PTPRD: variants seen among roughly 807,000 people sequenced by gnomAD.
PTPRD encodes protein tyrosine phosphatase receptor type D, also known as receptor-type tyrosine-protein phosphatase delta.
PTPRD carries 34 observed loss-of-function variants against 214.5 expected under a neutral mutation model. That is an observed-to-expected ratio of 0.16 (90% CI 0.12 to 0.21). The LOEUF is 0.21. Ranked by LOEUF, PTPRD falls within the 10% of genes least tolerant of loss-of-function variation. The pLI, the probability that PTPRD is intolerant of heterozygous loss-of-function variation, is 1.00. For synonymous variants in PTPRD, 1,128 were observed against 845.7 expected, an observed-to-expected ratio of 1.33 and a Z score of -5.79; for missense variants, 2,545 against 2,398.7, an observed-to-expected ratio of 1.06 and a Z score of -1.27.
intron 10 of PTPRD, among the ~76,000 whole-genome samples, chr9:9,063,902 CAA>C (rs1348742966): frequency 6.6e-6 from 1 of 152,048 alleles, no homozygotes; most frequent in East Asian, 1.9e-4. Flanking sequence ...TGCAATAATT[CAA>C]AGAGAGTAGT....
At chr9:8,508,885 G>A (rs922217189) in intron 21 of PTPRD, among the ~76,000 whole-genome samples, 1 of 147,526 alleles carries the variant, frequency 6.8e-6, no homozygotes, top group Non-Finnish European at 1.5e-5. Flanking sequence ...ATGTGTGTGT[G>A]TGTGTCTGTG....
chr9:10,162,685 ATG>A (rs1021460288), intron 3 of PTPRD, among the ~76,000 whole-genome samples: 1 of 147,252 alleles, frequency 6.8e-6, no homozygotes, highest in South Asian at 2.1e-4. Flanking sequence ...ACATGTATAT[ATG>A]TGTATATATA....
chr9:8,791,137 T>A (rs750318162), intron 11 of PTPRD, among the ~76,000 whole-genome samples: 1 of 152,180 alleles, frequency 6.6e-6, no homozygotes, highest in African/African-American at 2.4e-5. Flanking sequence ...AGAGGCCAAT[T>A]ACATGGAAAT....
chr9:9,201,545 A>G (rs928961175), intron 9 of PTPRD, among the ~76,000 whole-genome samples: 1 of 152,164 alleles, frequency 6.6e-6, no homozygotes, highest in Non-Finnish European at 1.5e-5. Flanking sequence ...GTACTATATT[A>G]TAGACTTGGT....
Position 9,981,354 on chromosome 9 carries a change from A to ATTCTTT in PTPRD, c.-471-42745_-471-42744insAAAGAA, listed in dbSNP as rs36081416. 3.6e-3 allele frequency among the ~76,000 whole-genome samples: 496 copies of ATTCTTT among 138,158 alleles called. 25 individuals carry two copies. The highest frequency in any genetic ancestry group is 8.1e-3 in the Middle Eastern group (2 of 246). The allele number at this position is 138,158 out of a possible 152,430, so 90.6% of individuals were successfully genotyped here. ...TTAAAACATATACTCACATTAAACA[A>ATTCTTT]TTTTTTTTTTTTTTTTTTAAGACAG... On this transcript the variant is annotated intron_variant, in intron 4 of 45. Coordinates refer to ENST00000381196, the MANE Select transcript of PTPRD (RefSeq NM_002839.4).
At chr9:9,926,204 C>G (rs1329687174) in intron 5 of PTPRD, among the ~76,000 whole-genome samples, 2 of 152,072 alleles carry the variant, frequency 1.3e-5, no homozygotes, top group African/African-American at 4.8e-5. Context: ...TTTCCTAAGT[C>G]AAGCCCTTGA....
chr9:9,487,265 G>A (rs2147428834), intron 8 of PTPRD, among the ~76,000 whole-genome samples: 1 of 150,050 alleles, frequency 6.7e-6, no homozygotes, highest in African/African-American at 2.5e-5. Flanking sequence ...CTGTGTCCAA[G>A]TGTTCTCATT....
chr9:9,800,069 A>G (rs2099029043), intron 5 of PTPRD, among the ~76,000 whole-genome samples: 1 of 152,222 alleles, frequency 6.6e-6, no homozygotes, highest in South Asian at 2.1e-4. Context: ...GAATTCCCGA[A>G]GAGATTTCTG....
intron 10 of PTPRD, among the ~76,000 whole-genome samples, chr9:9,107,982 A>C (rs2099801045): frequency 6.6e-6 from 1 of 152,034 alleles, no homozygotes. Flanking sequence ...TCTCCCTCAA[A>C]ATTTTCATTA....
In PTPRD at chr9:8,484,102, G is replaced by C. The variant is rs2096948642; in HGVS notation, c.3413+17C>G. The C allele has an allele frequency of 1.2e-6, 2 of 1,609,300 alleles. No individual in the cohort carries two copies. Among genetic ancestry groups the C allele is most frequent in the Non-Finnish European group, 1.7e-6 (2 of 1,176,376 alleles). On this transcript the variant is annotated intron_variant, in intron 30 of 45. Transcript: ENST00000381196. ...CTATAATTCTTTCCTTCAGCCCTAA[G>C]CCTTCAATCAACTTACTTTATATTC...
chr9:9,339,862 T>C (rs1452382622), intron 9 of PTPRD, among the ~76,000 whole-genome samples: 1 of 152,188 alleles, frequency 6.6e-6, no homozygotes, highest in Non-Finnish European at 1.5e-5. Flanking sequence ...GTGGATATAA[T>C]AACACCATTG....
At position 8,980,120 on chromosome 9, in the gene PTPRD, A is replaced by G. The variant is rs528634787; in HGVS notation, c.-104+38577T>C. ...AAAGGACATTGCATTAAGTGAAATA[A>G]GCCAGACACATAAATAAAAATATTG... On this transcript the variant is annotated intron_variant, in intron 11 of 45. Transcript: ENST00000381196. Among the ~76,000 whole-genome samples, 4 of 152,246 alleles carry G rather than the reference A, an allele frequency of 2.6e-5. No individual in the cohort carries two copies. The East Asian group carries it at 7.7e-4, about 29-fold the overall frequency.
At chr9:9,981,140 T>A (rs1161200126) in intron 4 of PTPRD, among the ~76,000 whole-genome samples, 1 of 152,120 alleles carries the variant, frequency 6.6e-6, no homozygotes, top group African/African-American at 2.4e-5. Flanking sequence ...AAACTAAACA[T>A]CTAATACAAT....
intron 6 of PTPRD, among the ~76,000 whole-genome samples, chr9:9,760,113 A>G (rs1374493390): frequency 6.6e-6 from 1 of 152,102 alleles, no homozygotes; most frequent in African/African-American, 2.4e-5. Context: ...ATCTCGTTAC[A>G]AAGTGGATAT....
chr9:10,394,426 C>G (rs1168158658), intron 2 of PTPRD, among the ~76,000 whole-genome samples: 1 of 151,556 alleles, frequency 6.6e-6, no homozygotes, highest in Non-Finnish European at 1.5e-5. Context: ...TAGTTAGGAA[C>G]ATACAAAGGA....
At chr9:10,263,746 A>G (rs1486588399) in intron 3 of PTPRD, among the ~76,000 whole-genome samples, 1 of 152,214 alleles carries the variant, frequency 6.6e-6, no homozygotes, top group Admixed American at 6.5e-5. Context: ...ATTTGCATAA[A>G]TAACAAGGAG....
chr9:8,336,628 CAAAAAAA>C (rs764320816), intron 43 of PTPRD, among the ~76,000 whole-genome samples: 2 of 114,600 alleles, frequency 1.7e-5, no homozygotes, highest in African/African-American at 6.8e-5. Flanking sequence ...TTCTGCAGAG[CAAAAAAA>C]AAAAAAAAAA....
At chr9:9,716,481 G>C (rs1431129587) in intron 7 of PTPRD, among the ~76,000 whole-genome samples, 4 of 152,100 alleles carry the variant, frequency 2.6e-5, no homozygotes, top group African/African-American at 7.2e-5. Context: ...CAGTGTAAAA[G>C]TGTTCCTATT....
chr9:9,461,847 C>T (rs1033709122), intron 8 of PTPRD, among the ~76,000 whole-genome samples: 40 of 152,256 alleles, frequency 2.6e-4, no homozygotes, highest in African/African-American at 8.7e-4. Flanking sequence ...CTTCTCTCCT[C>T]GTTCTCCTCA....
Sources: gnomAD v4.1 joint callset for allele counts (sites outside exome capture counted in the v4.1 genomes callset) on GRCh38, gnomAD v4.1.1 for gene constraint, MANE v1.5 for transcripts, NCBI Gene and HGNC (gene_info 2026-07-23, HGNC 2026-07-21) for gene names.